Variants in WWC2 observed in about 807,000 individuals in gnomAD.
WWC2 encodes protein WWC2.
In WWC2, 101 loss-of-function variants were observed where a neutral mutation model predicts 138.5. The observed-to-expected ratio is 0.73, with a 90% CI of 0.62 to 0.86. The LOEUF (loss-of-function observed/expected upper bound fraction) is 0.86. Among genes scored for constraint, WWC2 ranks in the 40% least tolerant of loss-of-function variants. The pLI is 0.00. For missense variants in WWC2, 1,420 were observed against 1,419.4 expected (o/e 1.00, Z -0.01); for synonymous variants, 558 against 538.4 (o/e 1.04, Z -0.50).
rs139606516 is a variant in WWC2 at position 183,289,496 on chromosome 4, G to A, written c.3245G>A (p.Arg1082His). 1.2e-6 allele frequency: 2 copies of A among 1,613,828 alleles called. No individual in the cohort carries two copies. Among genetic ancestry groups the A allele is most frequent in the Middle Eastern group, 1.6e-4 (1 of 6,062 alleles). The change falls in exon 21 of 23, where the codon CGC becomes CAC. Residue 1082 changes from arginine to histidine, a missense_variant. Transcript: ENST00000403733. Reference sequence around the variant, plus strand: ...CAGGCATCTCTGACCCGGCAGAGCCGCCTCAATGATGAGCTGCAGGCGCTG... The same window carrying A: ...CAGGCATCTCTGACCCGGCAGAGCCACCTCAATGATGAGCTGCAGGCGCTG... ...DLQASLTRQS[R>H]LNDELQALRD...
chr4:183,137,475 A>G lies in WWC2; in HGVS notation c.131+37853A>G, dbSNP rs1038159436. On this transcript the variant is annotated intron_variant, in intron 1 of 22. Transcript: ENST00000403733. ...GGGTCAGGACCATCAAGATATTCCT[A>G]GGTGATAGGCATTTCTCAGCTTCTT... 4.0e-5 allele frequency among the ~76,000 whole-genome samples: 6 copies of G among 151,608 alleles called. No homozygotes were observed. The East Asian group carries it at 1.2e-3, about 29-fold the overall frequency.
At chr4:183,113,562 C>T (rs2152888213) in intron 1 of WWC2, among the ~76,000 whole-genome samples, 1 of 151,398 alleles carries the variant, frequency 6.6e-6, no homozygotes, top group African/African-American at 2.4e-5. Context: ...GATGATCTTA[C>T]TCATTTTTGT....
intron 1 of WWC2, among the ~76,000 whole-genome samples, chr4:183,184,079 A>G (rs1285722952): frequency 3.3e-5 from 5 of 152,180 alleles, no homozygotes; most frequent in African/African-American, 7.2e-5. Context: ...ACCAACCCCT[A>G]TATTTAGTTT....
chr4:183,185,566 A>G (rs781408498), intron 1 of WWC2, among the ~76,000 whole-genome samples: 10 of 152,118 alleles, frequency 6.6e-5, no homozygotes, highest in Non-Finnish European at 1.0e-4. Context: ...TAATTTTTCA[A>G]TTTTTTGGCC....
Position 183,318,487 on chromosome 4 carries a change from G to GTT in WWC2, c.*2765_*2766dup, listed in dbSNP as rs34933952. On this transcript the variant is annotated 3_prime_UTR_variant, in exon 23 of 23. Coordinates refer to ENST00000403733, the MANE Select transcript of WWC2 (RefSeq NM_024949.6). The stretch of plus-strand genomic sequence containing the variant: ...TTTGTGGGTGGAAAAAAATTCAGTG[G>GTT]TTTTTTTTAAAAAAAAAAGCAAAAA... The GTT allele has an allele frequency of 0.056, 8,355 of 149,930 alleles. 340 individuals are homozygous for GTT. Among genetic ancestry groups the GTT allele is most frequent in the Middle Eastern group, 0.086 (25 of 292 alleles). The allele number at this position is 149,930 out of a possible 1,614,324, so 9.3% of individuals were successfully genotyped here. A position where few individuals can be genotyped will look rare whatever the true frequency, so the allele number is the denominator to read the frequency against.
chr4:183,311,712 G>A (rs1057442856), intron 21 of WWC2, among the ~76,000 whole-genome samples: 5 of 151,832 alleles, frequency 3.3e-5, no homozygotes, highest in Admixed American at 1.3e-4. Flanking sequence ...GAGTAGCTGG[G>A]ACTACAGGTG....
At chr4:183,166,280 A>G (rs1042524892) in intron 1 of WWC2, among the ~76,000 whole-genome samples, 1 of 152,026 alleles carries the variant, frequency 6.6e-6, no homozygotes, top group African/African-American at 2.4e-5. Flanking sequence ...TGTCTGCTGT[A>G]GCCCGTGGCA....
At chr4:183,135,978 C>A (rs1250373007) in intron 1 of WWC2, among the ~76,000 whole-genome samples, 1 of 150,652 alleles carries the variant, frequency 6.6e-6, no homozygotes, top group Non-Finnish European at 1.5e-5. Context: ...CTTTTCTTTT[C>A]TTCTCTTCCC....
At chr4:183,247,386 G>A (rs1307905291) in intron 6 of WWC2, among the ~76,000 whole-genome samples, 2 of 150,958 alleles carry the variant, frequency 1.3e-5, no homozygotes, top group African/African-American at 2.4e-5. Context: ...TGTATAGATG[G>A]AAAAATAGAA....
chr4:183,110,344 G>C (rs1423849123), intron 1 of WWC2, among the ~76,000 whole-genome samples: 1 of 151,954 alleles, frequency 6.6e-6, no homozygotes, highest in Admixed American at 6.6e-5. Context: ...AAATTACTAG[G>C]TGATGATCAA....
At chr4:183,193,573 G>A (rs1345636082) in intron 1 of WWC2, 26 bp from the exon 2 acceptor site, 1 of 1,600,460 alleles carries the variant, frequency 6.2e-7, no homozygotes, top group Non-Finnish European at 8.6e-7. Context: ...AAGAATCACT[G>A]GTGTGTCAAT....
chr4:183,209,068 TAG>T (rs745844613), intron 4 of WWC2, 43 bp downstream of exon 4: 15 of 1,398,180 alleles, frequency 1.1e-5, no homozygotes, highest in East Asian at 7.4e-5. Context: ...CCCATATGCA[TAG>T]AGTCTGAAGG....
At chr4:183,112,058 A>G (rs1732254783) in intron 1 of WWC2, among the ~76,000 whole-genome samples, 1 of 152,126 alleles carries the variant, frequency 6.6e-6, no homozygotes. Flanking sequence ...TGACATAGCT[A>G]ATGATATTTC....
At chr4:183,257,969 G>C (rs1462297230) in intron 9 of WWC2, among the ~76,000 whole-genome samples, 1 of 152,222 alleles carries the variant, frequency 6.6e-6, no homozygotes, top group East Asian at 1.9e-4. Flanking sequence ...GGCTGGAAGA[G>C]CAGCTGCCGA....
At chr4:183,228,583 CTGTAGTGAATT>C (rs1422188820) in intron 4 of WWC2, among the ~76,000 whole-genome samples, 1 of 152,110 alleles carries the variant, frequency 6.6e-6, no homozygotes, top group Non-Finnish European at 1.5e-5. Context: ...ACCACATTCT[CTGTAGTGAATT>C]TGTTAGAAAT....
chr4:183,302,228 C>CAA (rs766980647), intron 21 of WWC2, among the ~76,000 whole-genome samples: 1 of 152,178 alleles, frequency 6.6e-6, no homozygotes, highest in Non-Finnish European at 1.5e-5. Context: ...GAACCATAGT[C>CAA]AAAGATCTTG....
At chr4:183,237,362 C>T (rs1341554456) in intron 4 of WWC2, among the ~76,000 whole-genome samples, 1 of 151,418 alleles carries the variant, frequency 6.6e-6, no homozygotes, top group African/African-American at 2.4e-5. Context: ...CTTGAAAATG[C>T]TGTTCTAAAT....
intron 18 of WWC2, 23 bp from the exon 19 acceptor site, chr4:183,284,203 C>T: frequency 6.2e-7 from 1 of 1,607,664 alleles, no homozygotes; most frequent in Non-Finnish European, 8.5e-7. Context: ...CAGCTCCTGA[C>T]AAATTGTTAA....
chr4:183,269,112 A>G lies in WWC2; in HGVS notation c.2349A>G (p.Thr783=), dbSNP rs1026684426. 3 of 1,613,832 alleles carry G rather than the reference A, an allele frequency of 1.9e-6. No homozygotes were observed. Among genetic ancestry groups the G allele is most frequent in the Non-Finnish European group, 2.5e-6 (3 of 1,179,886 alleles). The part of the protein sequence containing the change: ...AISQTALQQK[T]LRVDLCSVSK... ...CCCAAACAGCCTTACAACAGAAGAC[A>G]CTGAGGGTAGACCTTTGCTCTGTCA... Residue 783 remains threonine, a synonymous_variant, in exon 15 of 23, where the codon ACA becomes ACG. Coordinates refer to ENST00000403733, the MANE Select transcript of WWC2 (RefSeq NM_024949.6).
Sources: gnomAD v4.1 joint callset for allele counts (sites outside exome capture counted in the v4.1 genomes callset) on GRCh38, gnomAD v4.1.1 for gene constraint, MANE v1.5 for transcripts, NCBI Gene and HGNC (gene_info 2026-07-23, HGNC 2026-07-21) for gene names.